DPP10: variants seen among roughly 807,000 people sequenced by gnomAD.
DPP10 encodes inactive dipeptidyl peptidase 10.
A neutral mutation model predicts 120.9 loss-of-function variants in DPP10; 33 were observed. The ratio of observed to expected loss-of-function variants is 0.27; its 90% CI spans 0.21 to 0.37. The LOEUF (loss-of-function observed/expected upper bound fraction) is 0.37, where lower values mean the gene tolerates loss of function less well. Among genes scored for constraint, DPP10 ranks in the 10% least tolerant of loss-of-function variants. The pLI is 1.00. For synonymous variants in DPP10, 337 were observed against 326.1 expected, an observed-to-expected ratio of 1.03 and a Z score of -0.36; for missense variants, 816 against 942.8, an observed-to-expected ratio of 0.87 and a Z score of 1.76.
At chr2:115,698,165 A>C (rs1423077499) in intron 7 of DPP10, among the ~76,000 whole-genome samples, 1 of 152,156 alleles carries the variant, frequency 6.6e-6, no homozygotes, top group East Asian at 1.9e-4. Flanking sequence ...ATCACACAAA[A>C]GATCTTCTCT....
chr2:114,446,178 G>A (rs10183846), intron 1 of DPP10, among the ~76,000 whole-genome samples: 75,854 of 151,788 alleles, frequency 0.5, 19,115 homozygotes, highest in Middle Eastern at 0.68. Flanking sequence ...TCACCATTAT[G>A]GCTTCTCTTG....
At chr2:114,723,931 C>T (rs1243541327) in intron 1 of DPP10, among the ~76,000 whole-genome samples, 1 of 152,080 alleles carries the variant, frequency 6.6e-6, no homozygotes, top group Non-Finnish European at 1.5e-5. Flanking sequence ...GGTAAATCTC[C>T]CCTCTGCACA....
chr2:114,606,576 A>C (rs1010500419), intron 1 of DPP10, among the ~76,000 whole-genome samples: 6 of 152,152 alleles, frequency 3.9e-5, no homozygotes, highest in African/African-American at 1.2e-4. Flanking sequence ...ACCAGTCTAG[A>C]GTACAATGAG....
chr2:114,449,556 A>G (rs1332618088), intron 1 of DPP10, among the ~76,000 whole-genome samples: 2 of 151,746 alleles, frequency 1.3e-5, no homozygotes, highest in Admixed American at 6.6e-5. Context: ...TATAAGGCAG[A>G]TCGGATGGCT....
intron 13 of DPP10, among the ~76,000 whole-genome samples, chr2:115,775,459 A>G (rs539679917): frequency 5.3e-5 from 8 of 152,158 alleles, no homozygotes; most frequent in African/African-American, 1.2e-4. Flanking sequence ...CTTGAAGTTT[A>G]GGAGAAATGG....
intron 3 of DPP10, among the ~76,000 whole-genome samples, chr2:115,345,228 T>C (rs1252976307): frequency 6.6e-6 from 1 of 152,224 alleles, no homozygotes; most frequent in African/African-American, 2.4e-5. Context: ...AGGTAGCGTT[T>C]TTCTTAATGA....
intron 7 of DPP10, among the ~76,000 whole-genome samples, chr2:115,712,799 C>T (rs1453953143): frequency 1.3e-5 from 2 of 151,416 alleles, no homozygotes; most frequent in African/African-American, 4.9e-5. Flanking sequence ...TTATGTAATA[C>T]AAGCCTACAA....
chr2:115,304,558 T>G (rs2061281117), intron 1 of DPP10, among the ~76,000 whole-genome samples: 1 of 152,064 alleles, frequency 6.6e-6, no homozygotes, highest in African/African-American at 2.4e-5. Flanking sequence ...TGATTTTTCC[T>G]TGTATTTTCT....
chr2:115,238,610 G>A (rs896585083), intron 1 of DPP10, among the ~76,000 whole-genome samples: 106 of 152,264 alleles, frequency 7.0e-4, no homozygotes, highest in African/African-American at 2.5e-3. Flanking sequence ...ATTAGAAGTG[G>A]AGTCTCCAGA....
intron 3 of DPP10, among the ~76,000 whole-genome samples, chr2:115,348,925 T>G (rs1218602428): frequency 6.6e-6 from 1 of 152,130 alleles, no homozygotes; most frequent in Admixed American, 6.6e-5. Context: ...CAATTAAACC[T>G]ACCTGCTCTG....
chr2:115,190,571 G>A (rs67300776), intron 1 of DPP10, among the ~76,000 whole-genome samples: 13 of 151,938 alleles, frequency 8.6e-5, no homozygotes, highest in African/African-American at 2.7e-4. Context: ...CTTTTCCCCC[G>A]GCGGTGAAAG....
At chr2:114,875,217 C>T (rs1691055890) in intron 1 of DPP10, among the ~76,000 whole-genome samples, 1 of 152,248 alleles carries the variant, frequency 6.6e-6, no homozygotes, top group African/African-American at 2.4e-5. Context: ...AAGGTACATT[C>T]ATTCATCAGA....
At chr2:115,201,083 A>C (rs1409777086) in intron 1 of DPP10, among the ~76,000 whole-genome samples, 1 of 152,214 alleles carries the variant, frequency 6.6e-6, no homozygotes, top group Non-Finnish European at 1.5e-5. Flanking sequence ...TCCAGGCATT[A>C]CAAAATCTGA....
chr2:114,700,746 C>G (rs1265872249), intron 1 of DPP10, among the ~76,000 whole-genome samples: 1 of 152,072 alleles, frequency 6.6e-6, no homozygotes, highest in Non-Finnish European at 1.5e-5. Flanking sequence ...TCTTTGTGAA[C>G]AGCAGATCCA....
intron 5 of DPP10, among the ~76,000 whole-genome samples, chr2:115,662,028 C>G (rs2089023389): frequency 6.6e-6 from 1 of 152,218 alleles, no homozygotes; most frequent in South Asian, 2.1e-4. Context: ...ATTTCCCCCT[C>G]CCCTCAGCTC....
chr2:115,062,911 T>C (rs919606129), intron 1 of DPP10, among the ~76,000 whole-genome samples: 1 of 152,212 alleles, frequency 6.6e-6, no homozygotes, highest in Non-Finnish European at 1.5e-5. Flanking sequence ...TACCCAGTAA[T>C]GGGATTGCTG....
At chr2:115,581,843 C>A (rs2082018465) in intron 5 of DPP10, among the ~76,000 whole-genome samples, 1 of 152,062 alleles carries the variant, frequency 6.6e-6, no homozygotes, top group Non-Finnish European at 1.5e-5. Context: ...TCATTGTGTT[C>A]ACCACAAATT....
intron 21 of DPP10, among the ~76,000 whole-genome samples, chr2:115,828,827 ATATT>A (rs776991852): frequency 6.6e-6 from 1 of 152,136 alleles, no homozygotes; most frequent in Non-Finnish European, 1.5e-5. Context: ...AATAAATTGT[ATATT>A]TATTAACCAT....
intron 1 of DPP10, among the ~76,000 whole-genome samples, chr2:115,128,067 T>C (rs2050165730): frequency 6.6e-6 from 1 of 152,238 alleles, no homozygotes; most frequent in African/African-American, 2.4e-5. Context: ...ATTCCCTTTT[T>C]GTTCCCCTCT....
Sources: gnomAD v4.1 joint callset for allele counts (sites outside exome capture counted in the v4.1 genomes callset) on GRCh38, gnomAD v4.1.1 for gene constraint, MANE v1.5 for transcripts, NCBI Gene and HGNC (gene_info 2026-07-23, HGNC 2026-07-21) for gene names.